The following UBR4 variants were observed in gnomAD, a reference collection of about 807,000 sequenced individuals.
UBR4 encodes the protein ubiquitin protein ligase E3 component n-recognin 4.
Under a neutral mutation model 575.6 loss-of-function variants are expected in UBR4, and 124 were observed. The observed-to-expected ratio is 0.22, with a 90% confidence interval of 0.19 to 0.25. The LOEUF (loss-of-function observed/expected upper bound fraction) is 0.25. Among genes scored for constraint, UBR4 ranks in the 10% least tolerant of loss-of-function variants. UBR4 has a pLI of 1.00. For synonymous variants in UBR4, 2,455 were observed against 2,473.7 expected, an observed-to-expected ratio of 0.99 and a Z score of 0.22; for missense variants, 4,818 against 6,478.8, an observed-to-expected ratio of 0.74 and a Z score of 8.80.
chr1:19,104,785 AC>A (rs1157167798), intron 85 of UBR4, 119 bp from the exon 86 acceptor site: 4 of 1,194,650 alleles, frequency 3.3e-6, no homozygotes. Context: ...TCTTAATCGA[AC>A]CCTTGCAGAA....
At chr1:19,197,025 C>T in intron 8 of UBR4, 116 bp downstream of exon 8, 1 of 1,290,802 alleles carries the variant, frequency 7.7e-7, no homozygotes, top group Non-Finnish European at 1.1e-6. Context: ...GTTAGATGAT[C>T]CTTGAGAGAA....
intron 2 of UBR4, among the ~76,000 whole-genome samples, chr1:19,200,731 A>G (rs2092706813): frequency 6.6e-6 from 1 of 152,386 alleles, no homozygotes; most frequent in Admixed American, 6.5e-5. Context: ...GCCAGTAGCC[A>G]GAGCTTATAA....
chr1:19,136,923 C>A (rs1483552536), intron 60 of UBR4, among the ~76,000 whole-genome samples: 11 of 152,136 alleles, frequency 7.2e-5, no homozygotes, highest in Non-Finnish European at 1.5e-4. Flanking sequence ...ACGTGGAAGG[C>A]ACTCTTTGAT....
At chr1:19,099,883 A>C (rs1232567348) in intron 89 of UBR4, among the ~76,000 whole-genome samples, 1 of 152,176 alleles carries the variant, frequency 6.6e-6, no homozygotes, top group Non-Finnish European at 1.5e-5. Context: ...TAACGTCCCT[A>C]ACCCACACAC....
Position 19,160,211 on chromosome 1 carries a change from A to C in UBR4, c.5477T>G (p.Phe1826Cys). The C allele has an allele frequency of 6.2e-7, 1 of 1,613,950 alleles. No homozygotes were observed. The highest frequency in any genetic ancestry group is 1.1e-5 in the South Asian group (1 of 91,062). ...GCTCCCGACGGCTGAAGCTTGCTGG[A>C]AGTTGGTCTGAATGGCATCCATAAG... The part of the protein sequence containing the change: ...NFLMDAIQTN[F>C]QQASAVGSSS... The change falls in exon 39 of 106, where the codon TTC (phenylalanine) becomes TGC (cysteine). Residue 1826 changes from phenylalanine to cysteine, a missense_variant. By Grantham distance (205) the Phe-to-Cys change is radical. This residue lies in a region of UBR4 where 159 missense variants were observed against 174.6 expected (regional missense o/e 0.91). Coordinates refer to ENST00000375254, the MANE Select transcript of UBR4 (RefSeq NM_020765.3).
At chr1:19,091,846 C>T (rs1452001215) in intron 97 of UBR4, among the ~76,000 whole-genome samples, 1 of 152,150 alleles carries the variant, frequency 6.6e-6, no homozygotes, top group Non-Finnish European at 1.5e-5. Context: ...CTTATATTCA[C>T]ACAAAAACCT....
At chr1:19,184,216 A>G in intron 15 of UBR4, 41 bp from the exon 16 acceptor site, 2 of 1,597,688 alleles carry the variant, frequency 1.3e-6, no homozygotes, top group Non-Finnish European at 1.7e-6. Flanking sequence ...TCAGGGTCAT[A>G]AGCCCAGCGT....
In UBR4 at chr1:19,156,259, C is replaced by A; in HGVS notation, c.6072+12G>T. 6.2e-7 allele frequency: 1 copy of A among 1,613,646 alleles called. No individual in the cohort carries two copies. Among genetic ancestry groups the A allele is most frequent in the Non-Finnish European group, 8.5e-7 (1 of 1,179,786 alleles). ...ATTCTAGGACCATATCATCAAAGAA[C>A]TGTAACTGTACCTTAACAAAGTCTG... On this transcript the variant is annotated intron_variant, in intron 42 of 105. Transcript: ENST00000375254.
At chr1:19,077,490 T>C (rs867906911) in intron 104 of UBR4, among the ~76,000 whole-genome samples, 1 of 152,160 alleles carries the variant, frequency 6.6e-6, no homozygotes, top group African/African-American at 2.4e-5. Context: ...TAGCAGCACT[T>C]TGGGAGGCCA....
intron 60 of UBR4, among the ~76,000 whole-genome samples, chr1:19,134,525 G>T (rs1280972633): frequency 6.6e-6 from 1 of 152,172 alleles, no homozygotes; most frequent in Non-Finnish European, 1.5e-5. Context: ...AAAGTTACTG[G>T]CCAAAGATGT....
At chr1:19,179,448 GT>G (rs1204207692) in intron 17 of UBR4, among the ~76,000 whole-genome samples, 1 of 152,198 alleles carries the variant, frequency 6.6e-6, no homozygotes, top group African/African-American at 2.4e-5. Flanking sequence ...AACATTTATA[GT>G]TAATGAGTGT....
At chr1:19,116,562 A>G (rs1368164169) in intron 73 of UBR4, among the ~76,000 whole-genome samples, 1 of 152,200 alleles carries the variant, frequency 6.6e-6, no homozygotes, top group Non-Finnish European at 1.5e-5. Context: ...ACAGCTCTGT[A>G]AGTCTTACTA....
At chr1:19,165,375 G>A (rs1334782795) in intron 30 of UBR4, 26 bp from the exon 31 acceptor site, 3 of 1,567,128 alleles carry the variant, frequency 1.9e-6, no homozygotes, top group East Asian at 4.5e-5. Context: ...GGAGAAAAAT[G>A]GAAAGAATCA....
At chr1:19,193,757 A>G (rs1477861858) in intron 8 of UBR4, among the ~76,000 whole-genome samples, 200 bp from the exon 9 acceptor site, 1 of 152,098 alleles carries the variant, frequency 6.6e-6, no homozygotes, top group Non-Finnish European at 1.5e-5. Context: ...TAAGCTGAAA[A>G]CTTACACGCG....
intron 86 of UBR4, 93 bp downstream of exon 86, chr1:19,104,486 TACCAGA>T: frequency 7.4e-7 from 1 of 1,358,056 alleles, no homozygotes; most frequent in Non-Finnish European, 1.0e-6. Context: ...CTAAGGTCAG[TACCAGA>T]GAGAAGAGAG....
chr1:19,174,560 T>C, intron 21 of UBR4, 113 bp from the exon 22 acceptor site: 1 of 1,405,104 alleles, frequency 7.1e-7, no homozygotes, highest in Non-Finnish European at 9.6e-7. Context: ...CAAATCATAA[T>C]CATTAATTTC....
At chr1:19,135,835 T>C (rs1251465123) in intron 60 of UBR4, among the ~76,000 whole-genome samples, 1 of 152,072 alleles carries the variant, frequency 6.6e-6, no homozygotes, top group African/African-American at 2.4e-5. Flanking sequence ...TAAAAGACAC[T>C]AGCCCACACA....
At position 19,197,231 on chromosome 1, in the gene UBR4, A is replaced by G. The variant is rs779978283; in HGVS notation, c.928T>C (p.Leu310=). ...AACACAGGTAGAGAAAGGGTATCCA[A>G]TGCCATAGTTACATCAATCACCAAT... ...HSLVIDVTMA[L]DTLSLPVLEP... The change falls in exon 8 of 106, where the codon TTG becomes CTG. Residue 310 remains leucine (L), a synonymous_variant. Coordinates refer to ENST00000375254, the MANE Select transcript of UBR4 (RefSeq NM_020765.3). 1 of 1,614,212 alleles carries G rather than the reference A, an allele frequency of 6.2e-7. No homozygotes were observed. Among genetic ancestry groups the G allele is most frequent in the Non-Finnish European group, 8.5e-7 (1 of 1,180,028 alleles).
rs749204620 is a variant in UBR4, at chr1:19,150,761, T to C, written c.7246A>G (p.Met2416Val). ...GASVDPAGVTMIDAVKIYGKT... is the reference protein window; with the variant it reads ...GASVDPAGVTVIDAVKIYGKT... ...CCATAAATTTTTACAGCATCTATCA[T>C]GGTGACACCTGCTGGATCCACCGAG... Residue 2416 changes from methionine (M) to valine (V), a missense_variant, in exon 49 of 106, where the codon ATG becomes GTG. Met to Val is a conservative substitution (Grantham distance 21). Coordinates refer to ENST00000375254, the MANE Select transcript of UBR4 (RefSeq NM_020765.3). The C allele has an allele frequency of 1.9e-6, 3 of 1,614,080 alleles. No homozygotes were observed. Among genetic ancestry groups the C allele is most frequent in the South Asian group, 2.2e-5 (2 of 91,080 alleles).
Sources: allele counts gnomAD v4.1 joint callset (sites outside exome capture counted in the v4.1 genomes callset), GRCh38; gene constraint gnomAD v4.1.1; regional missense constraint gnomAD v4.1.1; transcripts MANE v1.5; gene names NCBI Gene and HGNC (gene_info 2026-07-23, HGNC 2026-07-21).